The following IL1RAPL1 variants were observed in gnomAD, a reference collection of about 807,000 sequenced individuals.
IL1RAPL1 encodes the protein interleukin 1 receptor accessory protein like 1.
A neutral mutation model predicts 48.4 loss-of-function variants in IL1RAPL1; 3 were observed. That is an observed-to-expected ratio of 0.06 (90% CI 0.03 to 0.16). The LOEUF (loss-of-function observed/expected upper bound fraction) is 0.16. Ranked by LOEUF, IL1RAPL1 falls within the 10% of genes least tolerant of loss-of-function variation. The pLI, the probability that IL1RAPL1 is intolerant of heterozygous loss-of-function variation, is 1.00. For synonymous variants in IL1RAPL1, 185 were observed against 187.7 expected, an observed-to-expected ratio of 0.99 and a Z score of 0.12; for missense variants, 349 against 530.6, an observed-to-expected ratio of 0.66 and a Z score of 3.36.
intron 6 of IL1RAPL1, among the ~76,000 whole-genome samples, chrX:29,693,724 A>T (rs760212951): frequency 1.8e-5 from 2 of 112,200 alleles, no homozygotes; most frequent in East Asian, 5.6e-4. Flanking sequence ...GTCAGTTTTA[A>T]TTAGCCCACG....
chrX:28,968,777 G>GCACACACA (rs1924983775), intron 2 of IL1RAPL1, among the ~76,000 whole-genome samples: 1 of 112,760 alleles, frequency 8.9e-6, no homozygotes, highest in African/African-American at 3.2e-5. Context: ...GCACATTTGT[G>GCACACACA]TGCATGTGTG....
chrX:29,290,220 C>T (rs1006772849), intron 3 of IL1RAPL1, among the ~76,000 whole-genome samples: 1 of 111,551 alleles, frequency 9.0e-6, no homozygotes, highest in Non-Finnish European at 1.9e-5. Flanking sequence ...GGAATTCTGC[C>T]GAGATAGAGT....
chrX:29,378,543 C>T (rs1464390983), intron 3 of IL1RAPL1, among the ~76,000 whole-genome samples: 2 of 112,120 alleles, frequency 1.8e-5, no homozygotes, highest in Non-Finnish European at 3.8e-5. Context: ...AGTTGGTTGT[C>T]TTTGTTTCTG....
intron 1 of IL1RAPL1, among the ~76,000 whole-genome samples, chrX:28,675,747 A>G (rs1411493225): frequency 8.9e-6 from 1 of 111,885 alleles, no homozygotes. Flanking sequence ...GGTAAGAAGT[A>G]TAAAGGAGAC....
At chrX:28,659,612 C>T (rs897219514) in intron 1 of IL1RAPL1, 1 of 392,270 alleles carries the variant, frequency 2.5e-6, no homozygotes, top group Non-Finnish European at 4.5e-6. Context: ...GCGGCGGCTG[C>T]GAACACAATT....
intron 5 of IL1RAPL1, among the ~76,000 whole-genome samples, chrX:29,504,207 A>G (rs1935305130): frequency 9.0e-6 from 1 of 110,647 alleles, no homozygotes; most frequent in African/African-American, 3.3e-5. Flanking sequence ...TACTGATGTG[A>G]TTTCTACTTT....
intron 5 of IL1RAPL1, among the ~76,000 whole-genome samples, chrX:29,405,576 C>T (rs1204382522): frequency 5.8e-5 from 6 of 102,987 alleles, no homozygotes; most frequent in Admixed American, 9.9e-5. Flanking sequence ...CCGTTTTAGC[C>T]GGGATGGTCT....
intron 5 of IL1RAPL1, among the ~76,000 whole-genome samples, chrX:29,418,793 A>G (rs184917599): frequency 1.2e-4 from 13 of 112,239 alleles, no homozygotes; most frequent in African/African-American, 3.9e-4. Flanking sequence ...TACAAATACA[A>G]TGAAGTAGTT....
rs368192166 is a variant in IL1RAPL1 at position 28,825,506 on chromosome X, A to T, written c.82+36081A>T. Among the ~76,000 whole-genome samples, 4 of 111,444 alleles carry T rather than the reference A, an allele frequency of 3.6e-5. No homozygotes were observed. The East Asian group carries it at 1.1e-3, about 32-fold the overall frequency. ...GTCATTTTCAGTAGCTTTGACAGAT[A>T]TGTAAATAACCATTTCCCCAAACTT... On this transcript the variant is annotated intron_variant, in intron 2 of 10. Transcript: ENST00000378993.
At chrX:29,768,265 G>C (rs1439704102) in intron 6 of IL1RAPL1, among the ~76,000 whole-genome samples, 1 of 111,733 alleles carries the variant, frequency 8.9e-6, no homozygotes, top group Non-Finnish European at 1.9e-5. Context: ...TAAGCAGAAA[G>C]AAAATTGCTG....
At chrX:29,936,462 A>G (rs1234977389) in intron 8 of IL1RAPL1, among the ~76,000 whole-genome samples, 1 of 109,111 alleles carries the variant, frequency 9.2e-6, no homozygotes, top group Non-Finnish European at 1.9e-5. Context: ...ACTACACAAA[A>G]GTAAGCCATC....
chrX:28,676,746 C>A lies in IL1RAPL1; in HGVS notation c.-25+88699C>A, dbSNP rs760686490. Among the ~76,000 whole-genome samples the A allele has an allele frequency of 2.9e-4, 30 of 102,655 alleles. No individual in the cohort carries two copies. In the East Asian group the frequency reaches 3.8e-3, roughly 13 times the overall value. 89.1% of individuals were successfully genotyped at this position (102,655 alleles called of 115,157 possible). The stretch of plus-strand genomic sequence containing the variant: ...AGAGTCTGACTGAAAAAAAAAAAAA[C>A]CAACAAAACAAAACCCGCTTTCTTT... On this transcript the variant is annotated intron_variant, in intron 1 of 10. Transcript: ENST00000378993.
chrX:29,492,615 C>A (rs1440465557), intron 5 of IL1RAPL1, among the ~76,000 whole-genome samples: 2 of 111,987 alleles, frequency 1.8e-5, no homozygotes, highest in Non-Finnish European at 3.8e-5. Context: ...TCCCTTTTCT[C>A]CCTAACTGCA....
At chrX:29,441,761 A>T (rs748778320) in intron 5 of IL1RAPL1, among the ~76,000 whole-genome samples, 2 of 112,126 alleles carry the variant, frequency 1.8e-5, no homozygotes, top group African/African-American at 3.2e-5. Flanking sequence ...ATTCTCTTAT[A>T]CAGTTTCTGC....
At chrX:29,355,887 AAC>A (rs1933294697) in intron 3 of IL1RAPL1, among the ~76,000 whole-genome samples, 1 of 111,256 alleles carries the variant, frequency 9.0e-6, no homozygotes, top group Non-Finnish European at 1.9e-5. Flanking sequence ...AGTAAAAAAA[AAC>A]ATTTTTTGTT....
chrX:29,685,693 A>G (rs987463245), intron 6 of IL1RAPL1, among the ~76,000 whole-genome samples: 2 of 110,167 alleles, frequency 1.8e-5, no homozygotes, highest in Non-Finnish European at 3.8e-5. Context: ...TGATTATAAG[A>G]ACAGAAGTAT....
At chrX:29,702,974 G>A (rs1927093032) in intron 6 of IL1RAPL1, among the ~76,000 whole-genome samples, 1 of 112,260 alleles carries the variant, frequency 8.9e-6, no homozygotes, top group South Asian at 3.6e-4. Flanking sequence ...ATGACCTTAT[G>A]TAATGAATTA....
chrX:29,576,278 G>T (rs1046417976), intron 5 of IL1RAPL1, among the ~76,000 whole-genome samples: 2 of 111,729 alleles, frequency 1.8e-5, no homozygotes, highest in Non-Finnish European at 3.8e-5. Flanking sequence ...TGAATACACA[G>T]CTGGACAAGA....
intron 1 of IL1RAPL1, among the ~76,000 whole-genome samples, chrX:28,734,542 A>C (rs1343126124): frequency 3.0e-5 from 2 of 65,630 alleles, no homozygotes; most frequent in Admixed American, 1.9e-4. Context: ...GTCTTTACCA[A>C]AGTGTCATTT....
Sources: allele counts gnomAD v4.1 joint callset (sites outside exome capture counted in the v4.1 genomes callset), GRCh38; gene constraint gnomAD v4.1.1; transcripts MANE v1.5; gene names NCBI Gene and HGNC (gene_info 2026-07-23, HGNC 2026-07-21).